The following MORN1 variants were observed in gnomAD, a reference collection of about 807,000 sequenced individuals.
The protein encoded by MORN1 is MORN repeat-containing protein 1.
In MORN1, 67 loss-of-function variants were observed where a neutral mutation model predicts 61.9. The observed-to-expected ratio is 1.08, with a 90% CI of 0.89 to 1.33. MORN1 has a LOEUF of 1.33. Ranked by LOEUF, MORN1 falls within the 40% of genes most tolerant of loss-of-function variation. The pLI, the probability that MORN1 is intolerant of heterozygous loss-of-function variation, is 0.00. For missense variants in MORN1, 752 were observed against 691.2 expected, an observed-to-expected ratio of 1.09 and a Z score of -0.99; for synonymous variants, 301 against 292.0, an observed-to-expected ratio of 1.03 and a Z score of -0.31.
chr1:2,364,499 A>G (rs6685453), intron 8 of MORN1, among the ~76,000 whole-genome samples: 39,957 of 130,098 alleles, frequency 0.31, 7,075 homozygotes, highest in African/African-American at 0.47. Context: ...ATTTTCTCCC[A>G]TTTTGTGGGT....
intron 12 of MORN1, among the ~76,000 whole-genome samples, chr1:2,335,312 C>T (rs923679772): frequency 1.2e-4 from 19 of 152,338 alleles, no homozygotes; most frequent in African/African-American, 3.1e-4. Flanking sequence ...TTTCCATACC[C>T]GCCCCACCCC....
At chr1:2,390,103 G>A in intron 1 of MORN1, 107 bp from the exon 2 acceptor site, 1 of 1,033,384 alleles carries the variant, frequency 9.7e-7, no homozygotes. Context: ...TCAAGGGGTT[G>A]GTACACGTCA....
intron 12 of MORN1, among the ~76,000 whole-genome samples, chr1:2,335,828 T>TAGCCCGGCCCGGCCCGGCCC (rs138508948): frequency 7.7e-5 from 11 of 143,012 alleles, no homozygotes; most frequent in African/African-American, 2.7e-4. Context: ...CTCGCCTCCA[T>TAGCCCGGCCCGGCCCGGCCC]AGCCCAGCCC....
intron 6 of MORN1, 45 bp from the exon 7 acceptor site, chr1:2,374,602 C>G (rs1198375622): frequency 6.6e-7 from 1 of 1,523,408 alleles, no homozygotes; most frequent in Non-Finnish European, 8.9e-7. Flanking sequence ...TCCCAAGGGG[C>G]TTTTGTGGGT....
intron 6 of MORN1, among the ~76,000 whole-genome samples, chr1:2,383,763 C>A (rs1201398877): frequency 6.6e-6 from 1 of 152,228 alleles, no homozygotes; most frequent in Admixed American, 6.5e-5. Context: ...TTCGTGGCTG[C>A]GACAGCCTCA....
At chr1:2,379,340 T>C in intron 6 of MORN1, 1 of 362,718 alleles carries the variant, frequency 2.8e-6, no homozygotes, top group Non-Finnish European at 5.6e-6. Flanking sequence ...AAATGATCTC[T>C]AAAAATAAAC....
At chr1:2,385,086 G>A (rs1401203755) in intron 5 of MORN1, 21 bp from the exon 6 acceptor site, 2 of 1,572,380 alleles carry the variant, frequency 1.3e-6, no homozygotes, top group Admixed American at 1.8e-5. Context: ...CACGCACGGA[G>A]TCCACTCTCA....
chr1:2,369,284 G>T (rs544442444), intron 8 of MORN1, among the ~76,000 whole-genome samples: 9 of 150,822 alleles, frequency 6.0e-5, no homozygotes, highest in Admixed American at 6.0e-4. Flanking sequence ...AACCCAGGAG[G>T]TGGAGCTTGC....
At chr1:2,380,198 G>C (rs1336009100) in intron 6 of MORN1, among the ~76,000 whole-genome samples, 2 of 152,216 alleles carry the variant, frequency 1.3e-5, no homozygotes, top group African/African-American at 4.8e-5. Context: ...ACACACAGTG[G>C]AACAGTGGCT....
chr1:2,369,713 ATAAT>A (rs71578385), intron 8 of MORN1, among the ~76,000 whole-genome samples: 26,361 of 152,042 alleles, frequency 0.17, 2,817 homozygotes, highest in East Asian at 0.4. Context: ...GCATTTAGAA[ATAAT>A]TAATAAAATA....
chr1:2,385,641 G>A (rs756920830), intron 5 of MORN1, 166 bp downstream of exon 5: 3 of 600,610 alleles, frequency 5.0e-6, no homozygotes, highest in Non-Finnish European at 9.0e-6. Flanking sequence ...ACCACAGAAT[G>A]TGGTTCAACA....
intron 6 of MORN1, among the ~76,000 whole-genome samples, chr1:2,381,413 G>A (rs1441363324): frequency 6.6e-6 from 1 of 152,230 alleles, no homozygotes; most frequent in Non-Finnish European, 1.5e-5. Flanking sequence ...CCAGGGGACT[G>A]CTGCCACCAG....
intron 6 of MORN1, chr1:2,375,906 G>A (rs988388434): frequency 2.6e-5 from 4 of 152,412 alleles, no homozygotes; most frequent in African/African-American, 9.6e-5. Context: ...CTAGACAGTT[G>A]CCCTGAAGAT....
chr1:2,345,107 T>C (rs933733194), intron 10 of MORN1, among the ~76,000 whole-genome samples: 4 of 152,162 alleles, frequency 2.6e-5, no homozygotes, highest in Non-Finnish European at 5.9e-5. Context: ...TCTACGCTCA[T>C]GGATGGCCAC....
intron 6 of MORN1, chr1:2,376,830 T>C (rs1381363647): frequency 6.6e-6 from 1 of 152,134 alleles, no homozygotes; most frequent in East Asian, 1.9e-4. Flanking sequence ...CCCGGTCTTG[T>C]CTAATTCACG....
intron 8 of MORN1, 70 bp from the exon 9 acceptor site, chr1:2,358,785 A>T: frequency 6.5e-7 from 1 of 1,540,120 alleles, no homozygotes; most frequent in Non-Finnish European, 8.8e-7. Context: ...GGCCCGGGGC[A>T]GGCTTCTGGG....
At chr1:2,355,548 G>C in intron 10 of MORN1, 3 of 1,448,240 alleles carry the variant, frequency 2.1e-6, no homozygotes, top group Non-Finnish European at 2.8e-6. Context: ...AGGGGCACGG[G>C]CATGGAGGTG....
intron 12 of MORN1, chr1:2,332,871 G>T: frequency 2.6e-6 from 1 of 381,030 alleles, no homozygotes. Flanking sequence ...TGCGCCTCGA[G>T]GGGCCAAGCT....
At chr1:2,353,558 C>T (rs1377035013) in intron 10 of MORN1, among the ~76,000 whole-genome samples, 3 of 152,266 alleles carry the variant, frequency 2.0e-5, no homozygotes, top group African/African-American at 4.8e-5. Context: ...GCCTCCCGGC[C>T]AGGAATACTC....
Sources: allele counts gnomAD v4.1 joint callset (sites outside exome capture counted in the v4.1 genomes callset), GRCh38; gene constraint gnomAD v4.1.1; transcripts MANE v1.5; gene names NCBI Gene and HGNC (gene_info 2026-07-23, HGNC 2026-07-21).